The following SULT1C4 variants were observed in gnomAD, a reference collection of about 807,000 sequenced individuals.
The protein encoded by SULT1C4 is sulfotransferase family 1C member 4.
Under a neutral mutation model 34.8 loss-of-function variants are expected in SULT1C4, and 32 were observed. The ratio of observed to expected loss-of-function variants is 0.92; its 90% confidence interval spans 0.69 to 1.23. The LOEUF is 1.23. Among genes scored for constraint, SULT1C4 ranks in the 50% most tolerant of loss-of-function variants. The pLI, the probability that SULT1C4 is intolerant of heterozygous loss-of-function variation, is 0.00. For missense variants in SULT1C4, 375 were observed against 365.9 expected (o/e 1.02, Z -0.20); for synonymous variants, 111 against 120.5 (o/e 0.92, Z 0.51).
Position 108,381,870 on chromosome 2 carries a change from TC to T in SULT1C4, c.281del (p.Pro94HisfsTer3). On this transcript the variant is annotated frameshift_variant, in exon 2 of 7. Coordinates refer to ENST00000272452, the MANE Select transcript of SULT1C4 (RefSeq NM_006588.4). LOFTEE classifies it high-confidence loss of function. ...CGATTTCCTTTCCTCGAAATGAAAA[TC>T]CCATCCTTAGGATCTGGTGAGTATA... ...HQRFPFLEMK[I>X]PSLGSGLEQA... The T allele has an allele frequency of 1.3e-6, 2 of 1,489,894 alleles. No individual in the cohort carries two copies. The highest frequency in any genetic ancestry group is 8.9e-7 in the Non-Finnish European group (1 of 1,125,080). The allele number at this position is 1,489,894 out of a possible 1,614,324, so 92.3% of individuals were successfully genotyped here.
Position 108,386,281 on chromosome 2 carries a change from G to T in SULT1C4, c.705G>T (p.Ser235=), listed in dbSNP as rs2293068. The change falls in exon 6 of 7, where the codon TCG becomes TCT. Residue 235 remains serine, a synonymous_variant. Transcript: ENST00000272452. The stretch of plus-strand genomic sequence containing the variant: ...TAGATAAAATTGTCCATTACACTTC[G>T]TTTGATGTCATGAAACAGAATCCAA... The part of the protein sequence containing the change: ...KVLDKIVHYT[S]FDVMKQNPMA... 9 of 1,585,088 alleles carry T rather than the reference G, an allele frequency of 5.7e-6. No individual in the cohort carries two copies. In the African/African-American group the frequency reaches 1.2e-4, roughly 21 times the overall value.
At chr2:108,387,082 G>A (rs1286304862) in intron 6 of SULT1C4, among the ~76,000 whole-genome samples, 1 of 152,148 alleles carries the variant, frequency 6.6e-6, no homozygotes, top group African/African-American at 2.4e-5. Context: ...GTAACATGGC[G>A]GTCTCGCCCA....
chr2:108,382,667 A>G, intron 3 of SULT1C4, 185 bp downstream of exon 3: 1 of 566,496 alleles, frequency 1.8e-6, no homozygotes, highest in Non-Finnish European at 3.1e-6. Context: ...ATTTTGGGAG[A>G]CTGAGATGGG....
chr2:108,382,408 C>T lies in SULT1C4; in HGVS notation c.319C>T (p.Pro107Ser), dbSNP rs1558701130. The part of the protein sequence containing the change: ...GSGLEQAHAM[P>S]SPRILKTHLP... Reference sequence around the variant, plus strand: ...AGGTTTGGAACAAGCTCATGCAATGCCCTCACCACGGATCCTGAAAACACA... The same window carrying T: ...AGGTTTGGAACAAGCTCATGCAATGTCCTCACCACGGATCCTGAAAACACA... Residue 107 changes from proline to serine, a missense_variant, in exon 3 of 7, where the codon CCC (proline) becomes TCC (serine). Physicochemically the swap from Pro to Ser is moderately conservative, Grantham distance 74. Coordinates refer to ENST00000272452, the MANE Select transcript of SULT1C4 (RefSeq NM_006588.4). The T allele has an allele frequency of 6.2e-6, 10 of 1,613,990 alleles. No individual in the cohort carries two copies. The highest frequency in any genetic ancestry group is 8.5e-6 in the Non-Finnish European group (10 of 1,179,966).
Position 108,378,360 on chromosome 2 carries a change from A to AT in SULT1C4, c.27dup (p.Thr10TyrfsTer3). On this transcript the variant is annotated frameshift_variant, in exon 1 of 7. Coordinates refer to ENST00000272452, the MANE Select transcript of SULT1C4 (RefSeq NM_006588.4). LOFTEE classifies it high-confidence loss of function. ...CTAATGGCCTTACACGACATGGAGGATTTTACATTTGATGGAACAAAGCGC... is the reference window on the plus strand; with the variant it reads ...CTAATGGCCTTACACGACATGGAGGATTTTTACATTTGATGGAACAAAGCGC... The AT allele has an allele frequency of 6.2e-7, 1 of 1,614,010 alleles. No homozygotes were observed. Among genetic ancestry groups the AT allele is most frequent in the Non-Finnish European group, 8.5e-7 (1 of 1,179,970 alleles).
chr2:108,386,351 A>G lies in SULT1C4; in HGVS notation c.775A>G (p.Ile259Val). The change falls in exon 6 of 7, where the codon ATT becomes GTT. Residue 259 changes from isoleucine to valine, a missense_variant. Physicochemically the swap from Ile to Val is conservative, Grantham distance 29. Transcript: ENST00000272452. ...TCCTGCTGAAATCATGGACCACTCCATTTCTCCATTCATGAGAAAAGGTTT... is the reference window on the plus strand; with the variant it reads ...TCCTGCTGAAATCATGGACCACTCCGTTTCTCCATTCATGAGAAAAGGTTT... ...SIPAEIMDHS[I>V]SPFMRKGAVG... is the part of the protein sequence containing the mutation. The G allele has an allele frequency of 1.3e-6, 2 of 1,505,466 alleles. No homozygotes were observed. The highest frequency in any genetic ancestry group is 1.8e-6 in the Non-Finnish European group (2 of 1,125,714). The allele number at this position is 1,505,466 out of a possible 1,614,324, so 93.3% of individuals were successfully genotyped here.
In SULT1C4 at chr2:108,382,196, G is replaced by C. The variant is rs188818415; in HGVS notation, c.296-189G>C. On this transcript the variant is annotated intron_variant, in intron 2 of 6. Transcript: ENST00000272452. The stretch of plus-strand genomic sequence containing the variant: ...TAGGTTCTTATTTATTTGGATGACT[G>C]TTATGGTTAGGAATTGTTCTAGTCA... 2.2e-4 allele frequency: 137 copies of C among 610,634 alleles called. No individual in the cohort carries two copies. The African/African-American group carries it at 2.2e-3, about 10-fold the overall frequency. The allele number at this position is 610,634 out of a possible 1,614,324, so 37.8% of individuals were successfully genotyped here.
chr2:108,384,252 C>T (rs565913527), intron 5 of SULT1C4, among the ~76,000 whole-genome samples: 9 of 150,664 alleles, frequency 6.0e-5, no homozygotes, highest in East Asian at 2.0e-4. Context: ...TTTTTTGAGA[C>T]GGAGTCTCAC....
chr2:108,378,499 T>C lies in SULT1C4; in HGVS notation c.162T>C (p.Pro54=), dbSNP rs763755892. Reference sequence around the variant, plus strand: ...ATGACCTGCTTATTTCTACCTATCCTAAAGCAGGTAGGTGGAAGGGCTTGC... The same window carrying C: ...ATGACCTGCTTATTTCTACCTATCCCAAAGCAGGTAGGTGGAAGGGCTTGC... ...KPDDLLISTY[P]KAGTTWTQEI... The change falls in exon 1 of 7, where the codon CCT becomes CCC. Residue 54 remains proline, a synonymous_variant. Transcript: ENST00000272452. 22 of 1,613,714 alleles carry C rather than the reference T, an allele frequency of 1.4e-5. No individual in the cohort carries two copies. The highest frequency in any genetic ancestry group is 1.8e-5 in the Non-Finnish European group (21 of 1,179,836).
At chr2:108,379,348 T>C (rs1678328892) in intron 1 of SULT1C4, among the ~76,000 whole-genome samples, 2 of 152,212 alleles carry the variant, frequency 1.3e-5, no homozygotes, top group Non-Finnish European at 2.9e-5. Flanking sequence ...TGCAGGCACA[T>C]GGAGGCCTTG....
chr2:108,381,648 C>T, intron 1 of SULT1C4, 114 bp from the exon 2 acceptor site: 1 of 1,155,222 alleles, frequency 8.7e-7, no homozygotes, highest in East Asian at 3.1e-5. Context: ...TCTCAAAAAA[C>T]AAAACAAAAC....
At chr2:108,382,097 C>G in intron 2 of SULT1C4, 1 of 592,040 alleles carries the variant, frequency 1.7e-6, no homozygotes, top group South Asian at 4.1e-5. Flanking sequence ...TTTTGTTTCT[C>G]TAGTTAGAAA....
chr2:108,386,097 G>T, intron 5 of SULT1C4, 95 bp from the exon 6 acceptor site: 1 of 997,966 alleles, frequency 1.0e-6, no homozygotes. Context: ...ATTTTAGCTC[G>T]TAATATGTTA....
In SULT1C4 at chr2:108,382,312, T is replaced by C. The variant is rs1678425502; in HGVS notation, c.296-73T>C. 6.8e-6 allele frequency: 8 copies of C among 1,180,856 alleles called. No individual in the cohort carries two copies. The Admixed American group carries it at 1.2e-4, about 18-fold the overall frequency. 73.1% of individuals were successfully genotyped at this position (1,180,856 alleles called of 1,614,324 possible). A position where few individuals can be genotyped will look rare whatever the true frequency, so the allele number is the denominator to read the frequency against. On this transcript the variant is annotated intron_variant, in intron 2 of 6. Transcript: ENST00000272452. The stretch of plus-strand genomic sequence containing the variant: ...ATGCTTTGAATTGTAGTAGTAATAA[T>C]GGAAGCAGCAAGACTTGGAAGCAAA...
In SULT1C4 at chr2:108,386,260, T is replaced by C. The variant is rs1462019630; in HGVS notation, c.684T>C (p.Asp228=). 1.9e-6 allele frequency: 3 copies of C among 1,576,074 alleles called. No individual in the cohort carries two copies. The highest frequency in any genetic ancestry group is 2.6e-6 in the Non-Finnish European group (3 of 1,160,858). ...IGKKLDDKVL[D]KIVHYTSFDV... ...AGAAATTAGATGACAAAGTTCTAGA[T>C]AAAATTGTCCATTACACTTCGTTTG... The change falls in exon 6 of 7, where the codon GAT becomes GAC. Residue 228 remains aspartate (D), a synonymous_variant. Coordinates refer to ENST00000272452, the MANE Select transcript of SULT1C4 (RefSeq NM_006588.4).
chr2:108,386,985 A>C (rs1370636787), intron 6 of SULT1C4, among the ~76,000 whole-genome samples: 1 of 152,292 alleles, frequency 6.6e-6, no homozygotes, highest in East Asian at 1.9e-4. Flanking sequence ...AGTTTACAGC[A>C]TGGGAGCTAC....
At chr2:108,380,104 T>G (rs911627472) in intron 1 of SULT1C4, among the ~76,000 whole-genome samples, 6 of 152,240 alleles carry the variant, frequency 3.9e-5, no homozygotes, top group Non-Finnish European at 8.8e-5. Context: ...TTAATTTTTT[T>G]CTAACCTATG....
At chr2:108,380,645 G>A (rs1254114443) in intron 1 of SULT1C4, among the ~76,000 whole-genome samples, 1 of 152,238 alleles carries the variant, frequency 6.6e-6, no homozygotes, top group African/African-American at 2.4e-5. Context: ...CAATATCACT[G>A]TATCAGTCAG....
chr2:108,385,567 C>A (rs542152666), intron 5 of SULT1C4, among the ~76,000 whole-genome samples: 1 of 152,146 alleles, frequency 6.6e-6, no homozygotes, highest in Non-Finnish European at 1.5e-5. Flanking sequence ...CTTCCCCACC[C>A]GCCCTCTGCT....
Sources: gnomAD v4.1 joint callset for allele counts (sites outside exome capture counted in the v4.1 genomes callset) on GRCh38, gnomAD v4.1.1 for gene constraint, MANE v1.5 for transcripts, NCBI Gene and HGNC (gene_info 2026-07-23, HGNC 2026-07-21) for gene names.